The following PRKDC variants were observed in gnomAD, a reference collection of about 807,000 sequenced individuals.
PRKDC encodes the protein DNA-dependent protein kinase catalytic subunit.
Under a neutral mutation model 486.9 loss-of-function variants are expected in PRKDC, and 82 were observed. The observed-to-expected ratio is 0.17, with a 90% confidence interval of 0.14 to 0.20. PRKDC has a LOEUF of 0.20. PRKDC is among the 10% of genes least tolerant of loss of function. The pLI, the probability that PRKDC is intolerant of heterozygous loss-of-function variation, is 1.00. For missense variants in PRKDC, 4,504 were observed against 5,038.2 expected, an observed-to-expected ratio of 0.89 and a Z score of 3.21; for synonymous variants, 1,895 against 1,837.0, an observed-to-expected ratio of 1.03 and a Z score of -0.81.
intron 84 of PRKDC, among the ~76,000 whole-genome samples, chr8:47,777,280 C>T (rs1194618816): frequency 6.6e-6 from 1 of 151,980 alleles, no homozygotes; most frequent in Non-Finnish European, 1.5e-5. Flanking sequence ...GTGATCTCGG[C>T]TCACTGCAAC....
chr8:47,792,684 A>G (rs2086902132), intron 74 of PRKDC, among the ~76,000 whole-genome samples: 1 of 152,218 alleles, frequency 6.6e-6, no homozygotes, highest in South Asian at 2.1e-4. Flanking sequence ...TGTGATTGTT[A>G]CACACTGTAT....
At position 47,887,722 on chromosome 8, in the gene PRKDC, A is replaced by G; in HGVS notation, c.4414-17T>C. ...ATCTGTGGACTAAAAGGAAGCCAAC[A>G]CTGAAATGCCTAGCAAAAAGATATT... On this transcript the variant is annotated splice_polypyrimidine_tract_variant and intron_variant, in intron 34 of 85. Transcript: ENST00000314191. 2 of 1,589,232 alleles carry G rather than the reference A, an allele frequency of 1.3e-6. No individual in the cohort carries two copies. The highest frequency in any genetic ancestry group is 1.2e-5 in the South Asian group (1 of 85,332).
intron 44 of PRKDC, 125 bp downstream of exon 44, chr8:47,861,937 C>T: frequency 1.4e-6 from 1 of 714,072 alleles, no homozygotes; most frequent in Non-Finnish European, 2.3e-6. Flanking sequence ...TTATAGAAAC[C>T]ACATGAAACC....
At chr8:47,943,406 A>G (rs181456059) in intron 9 of PRKDC, 40 bp from the exon 10 acceptor site, 3 of 1,553,044 alleles carry the variant, frequency 1.9e-6, no homozygotes, top group Non-Finnish European at 2.6e-6. Context: ...ATCAGACGAC[A>G]TAACACAGAA....
At chr8:47,930,609 T>C (rs2090233935) in intron 17 of PRKDC, 63 bp downstream of exon 17, 1 of 1,453,232 alleles carries the variant, frequency 6.9e-7, no homozygotes, top group Non-Finnish European at 9.3e-7. Context: ...AGGAATTTCC[T>C]ATATTACAGC....
intron 68 of PRKDC, among the ~76,000 whole-genome samples, chr8:47,809,073 A>G (rs1304980379): frequency 6.8e-6 from 1 of 147,834 alleles, no homozygotes; most frequent in Admixed American, 6.8e-5. Context: ...AAAAGAGGAA[A>G]AAAGGAGAGG....
intron 27 of PRKDC, among the ~76,000 whole-genome samples, chr8:47,900,824 G>C (rs2089666933): frequency 6.6e-6 from 1 of 151,742 alleles, no homozygotes; most frequent in Non-Finnish European, 1.5e-5. Flanking sequence ...ACTCCAGCCT[G>C]GGCAACAGAG....
At chr8:47,783,224 G>A (rs1393294560) in intron 78 of PRKDC, among the ~76,000 whole-genome samples, 2 of 149,512 alleles carry the variant, frequency 1.3e-5, no homozygotes, top group Non-Finnish European at 3.0e-5. Context: ...GTTGCAACGA[G>A]CTGAGAATGG....
chr8:47,880,228 G>C (rs1324437744), intron 38 of PRKDC, among the ~76,000 whole-genome samples: 6 of 152,166 alleles, frequency 3.9e-5, no homozygotes, highest in East Asian at 3.8e-4. Flanking sequence ...ACATGGTGCT[G>C]ATTCGGTATG....
intron 21 of PRKDC, among the ~76,000 whole-genome samples, chr8:47,924,695 A>G (rs1000387354): frequency 6.6e-6 from 1 of 152,108 alleles, no homozygotes; most frequent in Non-Finnish European, 1.5e-5. Context: ...TGTAACACAC[A>G]AACACACACT....
At chr8:47,848,894 T>C (rs1201032825) in intron 54 of PRKDC, among the ~76,000 whole-genome samples, 5 of 152,192 alleles carry the variant, frequency 3.3e-5, no homozygotes, top group Admixed American at 1.3e-4. Flanking sequence ...GGTAACCCCA[T>C]AGGCCACCTC....
Position 47,938,578 on chromosome 8 carries a change from T to G in PRKDC, c.1113+973A>C, listed in dbSNP as rs2090392001. ...CAATATTTTTTCTTTAAAAAAAAATTTTTAAGAGATAGTGTCTCTGTTGCC... is the reference window on the plus strand; with the variant it reads ...CAATATTTTTTCTTTAAAAAAAAATGTTTAAGAGATAGTGTCTCTGTTGCC... On this transcript the variant is annotated intron_variant, in intron 11 of 85. Transcript: ENST00000314191. 1.3e-5 allele frequency among the ~76,000 whole-genome samples: 2 copies of G among 152,028 alleles called. 1 individual carries two copies. Among genetic ancestry groups the G allele is most frequent in the Admixed American group, 1.3e-4 (2 of 15,272 alleles).
chr8:47,953,980 C>A, intron 5 of PRKDC, 61 bp from the exon 6 acceptor site: 3 of 870,836 alleles, frequency 3.4e-6, no homozygotes, highest in South Asian at 1.9e-5. Flanking sequence ...GTTAAACTAA[C>A]CAAAATGTAT....
intron 61 of PRKDC, among the ~76,000 whole-genome samples, chr8:47,829,824 A>T (rs1331248660): frequency 6.6e-6 from 1 of 152,234 alleles, no homozygotes; most frequent in Non-Finnish European, 1.5e-5. Context: ...GATTAGAAGC[A>T]TCAATATCGT....
At chr8:47,935,192 G>C in intron 13 of PRKDC, 134 bp from the exon 14 acceptor site, 3 of 688,848 alleles carry the variant, frequency 4.4e-6, no homozygotes, top group African/African-American at 1.8e-5. Flanking sequence ...GTTCATTCAC[G>C]GCTTTAATTT....
At chr8:47,779,476 C>T (rs2086663135) in intron 80 of PRKDC, 1 of 163,474 alleles carries the variant, frequency 6.1e-6, no homozygotes, top group Non-Finnish European at 1.3e-5. Flanking sequence ...GACAGCACCA[C>T]AGGCGGCTGC....
At position 47,929,940 on chromosome 8, in the gene PRKDC, C is replaced by T; in HGVS notation, c.1965G>A (p.Leu655=). ...TGATGAGGGGCAACCTTGTAGATTG[C>T]AAAATTAATTCATATGAAAATGAGT... ...WVYSFSYELI[L]QSTRLPLISG... is the part of the protein sequence containing the mutation. The change falls in exon 18 of 86, where the codon TTG becomes TTA. Residue 655 remains leucine (L), a synonymous_variant. Coordinates refer to ENST00000314191, the MANE Select transcript of PRKDC (RefSeq NM_006904.7). 1 of 1,610,894 alleles carries T rather than the reference C, an allele frequency of 6.2e-7. No homozygotes were observed. Among genetic ancestry groups the T allele is most frequent in the South Asian group, 1.1e-5 (1 of 90,054 alleles).
At chr8:47,837,906 T>C (rs1486218890) in intron 56 of PRKDC, among the ~76,000 whole-genome samples, 1 of 152,118 alleles carries the variant, frequency 6.6e-6, no homozygotes, top group East Asian at 1.9e-4. Context: ...GAGGCTGAGG[T>C]GGGTGGATCA....
chr8:47,819,385 C>T lies in PRKDC; in HGVS notation c.9445+17G>A. The T allele has an allele frequency of 7.0e-7, 1 of 1,419,756 alleles. No individual in the cohort carries two copies. Among genetic ancestry groups the T allele is most frequent in the Non-Finnish European group, 9.6e-7 (1 of 1,045,710 alleles). The allele number at this position is 1,419,756 out of a possible 1,614,324, so 87.9% of individuals were successfully genotyped here. A position where few individuals can be genotyped will look rare whatever the true frequency, so the allele number is the denominator to read the frequency against. On this transcript the variant is annotated intron_variant, in intron 67 of 85. Transcript: ENST00000314191. ...CACAATTAGAAATGAAAAAAAAAGA[C>T]CGATGAAAAAAATTACCTTGTTTGC...
Sources: gnomAD v4.1 joint callset for allele counts (sites outside exome capture counted in the v4.1 genomes callset) on GRCh38, gnomAD v4.1.1 for gene constraint, MANE v1.5 for transcripts, NCBI Gene and HGNC (gene_info 2026-07-23, HGNC 2026-07-21) for gene names.